The following VDR variants were observed in gnomAD, a reference collection of about 807,000 sequenced individuals.
The protein encoded by VDR is vitamin D receptor, also known as vitamin D3 receptor.
In VDR, 19 loss-of-function variants were observed where a neutral mutation model predicts 39.7. That is an observed-to-expected ratio of 0.48 (90% CI 0.33 to 0.70). The LOEUF (loss-of-function observed/expected upper bound fraction) is 0.70. VDR is among the 30% of genes least tolerant of loss of function. VDR has a pLI of 0.02. For synonymous variants in VDR, 242 were observed against 215.8 expected (o/e 1.12, Z -1.07); for missense variants, 442 against 570.5 (o/e 0.77, Z 2.29).
intron 7 of VDR, among the ~76,000 whole-genome samples, chr12:47,854,709 T>A (rs1349119419): frequency 6.6e-6 from 1 of 152,216 alleles, no homozygotes. Flanking sequence ...CTGGAAGGGA[T>A]CCTGGCTGGC....
intron 1 of VDR, among the ~76,000 whole-genome samples, chr12:47,899,239 T>G (rs79695706): frequency 6.6e-6 from 1 of 152,274 alleles, no homozygotes; most frequent in East Asian, 1.9e-4. Flanking sequence ...GGGCTAGAAA[T>G]TTTGAAAAGA....
In VDR at chr12:47,844,927, C is replaced by A. The variant is rs376903517; in HGVS notation, c.1103G>T (p.Arg368Leu). 9.3e-6 allele frequency: 15 copies of A among 1,613,966 alleles called. No homozygotes were observed. The highest frequency in any genetic ancestry group is 1.6e-4 in the Middle Eastern group (1 of 6,084). The change falls in exon 10 of 10, where the codon CGC (arginine) becomes CTC (leucine). Residue 368 changes from arginine to leucine, a missense_variant. Physicochemically the swap from Arg to Leu is moderately radical, Grantham distance 102. This residue lies in a region of VDR where 173 missense variants were observed against 252.0 expected (regional missense o/e 0.69). Coordinates refer to ENST00000549336, the MANE Select transcript of VDR (RefSeq NM_000376.3). ...GCTGCCCGGGGGCGGGTGGCGGCAG[C>A]GGATGTACGTCTGCAGTGTGTTGGA... ...RLSNTLQTYI[R>L]CRHPPPGSHL...
intron 5 of VDR, 107 bp from the exon 6 acceptor site, chr12:47,857,356 A>G: frequency 6.2e-7 from 1 of 1,605,766 alleles, no homozygotes; most frequent in Non-Finnish European, 8.5e-7. Context: ...AGGAAGGCGA[A>G]GCCTCCCAGT....
In VDR at chr12:47,865,115, T is replaced by C. The variant is rs750091722; in HGVS notation, c.209A>G (p.Lys70Arg). 6.2e-7 allele frequency: 1 copy of C among 1,613,978 alleles called. No individual in the cohort carries two copies. Among genetic ancestry groups the C allele is most frequent in the Non-Finnish European group, 8.5e-7 (1 of 1,179,848 alleles). ...GGCCTGGCAGTGGCGTCGGTTGTCC[T>C]TGGTGATGCGGCAGTCCCCGTTGAA... The part of the protein sequence containing the change: ...CPFNGDCRIT[K>R]DNRRHCQACR... Residue 70 changes from lysine to arginine, a missense_variant, in exon 4 of 10, where the codon AAG (lysine) becomes AGG (arginine). By Grantham distance (26) the Lys-to-Arg change is conservative. Around this residue, in one of 5 missense-constraint regions of VDR, gnomAD observed 141 missense variants for 141.3 expected, o/e 1.00. Transcript: ENST00000549336.
At chr12:47,897,641 A>G (rs1410202023) in intron 1 of VDR, among the ~76,000 whole-genome samples, 1 of 152,194 alleles carries the variant, frequency 6.6e-6, no homozygotes. Context: ...TTTCCCCAGT[A>G]GTCCTAGCAG....
At chr12:47,893,712 G>T (rs183340820) in intron 1 of VDR, among the ~76,000 whole-genome samples, 2 of 152,288 alleles carry the variant, frequency 1.3e-5, no homozygotes, top group African/African-American at 4.8e-5. Flanking sequence ...ACTCTGTTCT[G>T]GTCAACAAGG....
At chr12:47,861,358 A>G (rs114805065) in intron 4 of VDR, among the ~76,000 whole-genome samples, 140 of 152,390 alleles carry the variant, frequency 9.2e-4, no homozygotes, top group African/African-American at 2.9e-3. Flanking sequence ...TCCATCTTCT[A>G]TGGAGGTAAC....
intron 3 of VDR, among the ~76,000 whole-genome samples, chr12:47,875,959 C>A (rs905242488): frequency 6.6e-6 from 1 of 152,166 alleles, no homozygotes; most frequent in Non-Finnish European, 1.5e-5. Context: ...CTTAGGAACA[C>A]CAGACAGCAG....
chr12:47,894,531 G>T (rs567030023), intron 1 of VDR, among the ~76,000 whole-genome samples: 1 of 152,124 alleles, frequency 6.6e-6, no homozygotes, highest in South Asian at 2.1e-4. Context: ...GTCCGTCTCC[G>T]CCCCTGGGTG....
chr12:47,874,097 T>C (rs911892867), intron 3 of VDR, among the ~76,000 whole-genome samples: 1 of 152,244 alleles, frequency 6.6e-6, no homozygotes, highest in African/African-American at 2.4e-5. Flanking sequence ...TCTTTCTTGA[T>C]AGCTTCAGTG....
chr12:47,871,685 G>A lies in VDR; in HGVS notation c.147-6508C>T, dbSNP rs539873270. Among the ~76,000 whole-genome samples the A allele has an allele frequency of 4.6e-5, 7 of 152,092 alleles. No homozygotes were observed. The East Asian group carries it at 1.4e-3, about 29-fold the overall frequency. On this transcript the variant is annotated intron_variant, in intron 3 of 9. Coordinates refer to ENST00000549336, the MANE Select transcript of VDR (RefSeq NM_000376.3). ...TCACCATGTTGGCCAGACTGGTCTC[G>A]AACTCCTGACCTCAAATGATCCACC...
At chr12:47,904,677 C>T (rs1946636231) in intron 1 of VDR, 1 of 1,520,268 alleles carries the variant, frequency 6.6e-7, no homozygotes, top group Non-Finnish European at 8.8e-7. Flanking sequence ...TCTTGTTGCC[C>T]AAGTGCTAAG....
intron 4 of VDR, 45 bp downstream of exon 4, chr12:47,865,002 G>T (rs1414959651): frequency 6.2e-7 from 1 of 1,609,946 alleles, no homozygotes; most frequent in Non-Finnish European, 8.5e-7. Context: ...GCCTTTCCCT[G>T]ACTCCACTTC....
intron 9 of VDR, among the ~76,000 whole-genome samples, chr12:47,845,557 G>A (rs532817361): frequency 6.6e-6 from 1 of 152,192 alleles, no homozygotes; most frequent in Non-Finnish European, 1.5e-5. Flanking sequence ...TTTGTTTAAT[G>A]TTTCCTCCTA....
chr12:47,859,972 T>C (rs952585596), intron 4 of VDR, among the ~76,000 whole-genome samples: 1 of 139,230 alleles, frequency 7.2e-6, no homozygotes, highest in Non-Finnish European at 1.5e-5. Flanking sequence ...TCTTTCTTTC[T>C]TTCTTTCTTT....
At chr12:47,851,056 A>G (rs1460742672) in intron 7 of VDR, among the ~76,000 whole-genome samples, 1 of 152,198 alleles carries the variant, frequency 6.6e-6, no homozygotes, top group Non-Finnish European at 1.5e-5. Context: ...GGATGAAGAA[A>G]TGAATGTGGA....
chr12:47,878,798 A>G (rs1189643322), intron 3 of VDR, 170 bp downstream of exon 3: 2 of 1,036,506 alleles, frequency 1.9e-6, no homozygotes, highest in Admixed American at 2.0e-5. Context: ...AGAGGAGGGA[A>G]AAGAAGATAC....
At chr12:47,886,024 C>T (rs1208914271) in intron 1 of VDR, among the ~76,000 whole-genome samples, 1 of 152,224 alleles carries the variant, frequency 6.6e-6, no homozygotes. Context: ...GGTCCTCTCT[C>T]TGCCAGGTTG....
At chr12:47,858,881 G>A (rs2238140) in intron 4 of VDR, among the ~76,000 whole-genome samples, 75,187 of 152,056 alleles carry the variant, frequency 0.49, 18,795 homozygotes, top group Non-Finnish European at 0.51. Context: ...GTTGCTGTGG[G>A]GTGAGGAAGA....
Sources: allele counts gnomAD v4.1 joint callset (sites outside exome capture counted in the v4.1 genomes callset), GRCh38; gene constraint gnomAD v4.1.1; regional missense constraint gnomAD v4.1.1; transcripts MANE v1.5; gene names NCBI Gene and HGNC (gene_info 2026-07-23, HGNC 2026-07-21).